Variants in XKR6 observed in about 807,000 individuals in gnomAD.
XKR6 encodes the protein XK related 6.
In XKR6, 22 loss-of-function variants were observed where a neutral mutation model predicts 56.7. That is an observed-to-expected ratio of 0.39 (90% CI 0.28 to 0.55). The LOEUF is 0.55. Among genes scored for constraint, XKR6 ranks in the 20% least tolerant of loss-of-function variants. The pLI is 0.66. For synonymous variants in XKR6, 524 were observed against 387.8 expected, an observed-to-expected ratio of 1.35 and a Z score of -4.13; for missense variants, 852 against 889.0, an observed-to-expected ratio of 0.96 and a Z score of 0.53.
intron 2 of XKR6, among the ~76,000 whole-genome samples, chr8:10,912,292 T>C (rs1800407898): frequency 1.0e-5 from 1 of 98,654 alleles, no homozygotes; most frequent in African/African-American, 3.8e-5. Context: ...TATATACATA[T>C]ATAAAGAGAG....
intron 1 of XKR6, among the ~76,000 whole-genome samples, chr8:11,144,665 C>G (rs1240878370): frequency 1.3e-5 from 2 of 152,092 alleles, no homozygotes; most frequent in Non-Finnish European, 2.9e-5. Context: ...CAGGTATAGA[C>G]CCAAGTATAG....
intron 1 of XKR6, chr8:11,137,576 G>T (rs1167944578): frequency 2.2e-6 from 1 of 456,212 alleles, no homozygotes; most frequent in Non-Finnish European, 4.4e-6. Context: ...AAGACAGCAG[G>T]GAGAAGTTCT....
At chr8:11,176,856 G>C (rs1369222442) in intron 1 of XKR6, among the ~76,000 whole-genome samples, 1 of 152,174 alleles carries the variant, frequency 6.6e-6, no homozygotes, top group African/African-American at 2.4e-5. Context: ...GCAAAGTCTG[G>C]CACCCTGGCA....
chr8:10,938,271 C>T (rs915127718), intron 1 of XKR6, among the ~76,000 whole-genome samples: 8 of 152,148 alleles, frequency 5.3e-5, no homozygotes, highest in Non-Finnish European at 1.0e-4. Context: ...GCGCACGGTG[C>T]GCGCACCCAC....
chr8:11,182,082 T>A (rs1395066804), intron 1 of XKR6, among the ~76,000 whole-genome samples: 1 of 152,194 alleles, frequency 6.6e-6, no homozygotes, highest in Non-Finnish European at 1.5e-5. Flanking sequence ...CCCAGTTTGT[T>A]CCTCATCTTT....
At chr8:11,133,415 T>C (rs1025485627) in intron 1 of XKR6, among the ~76,000 whole-genome samples, 3 of 152,058 alleles carry the variant, frequency 2.0e-5, no homozygotes, top group African/African-American at 4.8e-5. Context: ...ATGTGAACAA[T>C]ACCCTTAAGA....
chr8:11,062,408 A>G (rs963235737), intron 1 of XKR6, among the ~76,000 whole-genome samples: 9 of 152,200 alleles, frequency 5.9e-5, no homozygotes, highest in Non-Finnish European at 8.8e-5. Context: ...ATGTTCCTTC[A>G]TTTAGCCCCA....
At chr8:11,071,895 C>A (rs947717496) in intron 1 of XKR6, among the ~76,000 whole-genome samples, 4 of 152,248 alleles carry the variant, frequency 2.6e-5, no homozygotes, top group African/African-American at 9.6e-5. Context: ...AATACTGTGT[C>A]CTCTGAATAT....
chr8:10,960,485 C>G (rs1374907379), intron 1 of XKR6, among the ~76,000 whole-genome samples: 1 of 152,192 alleles, frequency 6.6e-6, no homozygotes, highest in Non-Finnish European at 1.5e-5. Context: ...TTCCTTTGAT[C>G]AGGGAATATT....
At chr8:11,046,229 G>T (rs942829643) in intron 1 of XKR6, among the ~76,000 whole-genome samples, 1 of 151,968 alleles carries the variant, frequency 6.6e-6, no homozygotes, top group African/African-American at 2.4e-5. Context: ...TGAAACCCCC[G>T]TCTCTACTAA....
rs115513555 is a variant in XKR6, at chr8:11,098,940, G to C, written c.764+101636C>G. The stretch of plus-strand genomic sequence containing the variant: ...AAATGATTATTAGGTTCTGAATTGA[G>C]CTCATGTAGGTGTAACATAGAAAGG... On this transcript the variant is annotated intron_variant, in intron 1 of 2. Coordinates refer to ENST00000416569, the MANE Select transcript of XKR6 (RefSeq NM_173683.4). Among the ~76,000 whole-genome samples, 826 of 152,286 alleles carry C rather than the reference G, an allele frequency of 5.4e-3. 6 individuals carry two copies. Among genetic ancestry groups the C allele is most frequent in the African/African-American group, 0.019 (783 of 41,564 alleles).
At chr8:11,099,618 C>T (rs746351930) in intron 1 of XKR6, among the ~76,000 whole-genome samples, 28 of 152,194 alleles carry the variant, frequency 1.8e-4, no homozygotes, top group Non-Finnish European at 3.2e-4. Context: ...CTTGCAACTC[C>T]CTAGGCAAGG....
intron 1 of XKR6, among the ~76,000 whole-genome samples, chr8:10,950,232 A>G (rs771921028): frequency 3.3e-5 from 5 of 152,124 alleles, no homozygotes; most frequent in Non-Finnish European, 7.4e-5. Flanking sequence ...CACCTGGCCA[A>G]TGGATAGTGC....
chr8:11,111,872 T>C (rs945687768), intron 1 of XKR6: 11 of 151,968 alleles, frequency 7.2e-5, no homozygotes, highest in South Asian at 2.1e-4. Flanking sequence ...GAACATGCCA[T>C]CACCAAAAAA....
chr8:11,035,962 G>A (rs1177002490), intron 1 of XKR6, among the ~76,000 whole-genome samples: 37 of 24,470 alleles, frequency 1.5e-3, no homozygotes, highest in African/African-American at 6.4e-3. Flanking sequence ...TTTTTTTTTT[G>A]AGGCAGGATC....
rs146893477 is a variant in XKR6, at chr8:11,062,993, T to C, written c.764+137583A>G. ...CCTGGAGATGGAGGATGGAGGAGCC[T>C]GGGTTCTTGAATCCTCACATGGAAT... On this transcript the variant is annotated intron_variant, in intron 1 of 2. Coordinates refer to ENST00000416569, the MANE Select transcript of XKR6 (RefSeq NM_173683.4). The C allele has an allele frequency of 4.8e-4, 175 of 365,868 alleles. 1 individual carries two copies. The East Asian group carries it at 0.012, about 25-fold the overall frequency. 22.7% of individuals were successfully genotyped at this position (365,868 alleles called of 1,614,324 possible).
chr8:11,071,531 G>T (rs1228347143), intron 1 of XKR6, among the ~76,000 whole-genome samples: 7 of 139,462 alleles, frequency 5.0e-5, no homozygotes, highest in Non-Finnish European at 1.1e-4. Flanking sequence ...GAGTCCATGA[G>T]CCCCGAGTCT....
At chr8:11,134,709 C>T (rs1444677945) in intron 1 of XKR6, among the ~76,000 whole-genome samples, 1 of 152,102 alleles carries the variant, frequency 6.6e-6, no homozygotes, top group Admixed American at 6.5e-5. Flanking sequence ...CACACACACA[C>T]ACACACAGCC....
intron 1 of XKR6, among the ~76,000 whole-genome samples, chr8:10,953,055 G>A (rs1801775158): frequency 6.6e-6 from 1 of 152,128 alleles, no homozygotes; most frequent in South Asian, 2.1e-4. Context: ...CCATCTAGTT[G>A]TAGGAAAACA....
Sources: gnomAD v4.1 joint callset for allele counts (sites outside exome capture counted in the v4.1 genomes callset) on GRCh38, gnomAD v4.1.1 for gene constraint, MANE v1.5 for transcripts, NCBI Gene and HGNC (gene_info 2026-07-23, HGNC 2026-07-21) for gene names.